ANKRD55: variants seen among roughly 807,000 people sequenced by gnomAD.
ANKRD55 encodes ankyrin repeat domain 55.
A neutral mutation model predicts 60.6 loss-of-function variants in ANKRD55; 41 were observed. The ratio of observed to expected loss-of-function variants is 0.68; its 90% CI spans 0.53 to 0.88. The LOEUF is 0.88. Among genes scored for constraint, ANKRD55 ranks in the 40% least tolerant of loss-of-function variants. The probability of loss-of-function intolerance (pLI) is 0.00; values close to 1 mark genes in which losing one functional copy is unlikely to be tolerated. For synonymous variants in ANKRD55, 264 were observed against 290.3 expected (o/e 0.91, Z 0.92); for missense variants, 732 against 767.6 (o/e 0.95, Z 0.55).
At chr5:56,109,505 T>C (rs1756603899) in intron 10 of ANKRD55, among the ~76,000 whole-genome samples, 1 of 151,988 alleles carries the variant, frequency 6.6e-6, no homozygotes, top group African/African-American at 2.4e-5. Flanking sequence ...CCTCTGCTTT[T>C]GAACAATGGT....
chr5:56,136,984 T>A, intron 7 of ANKRD55: 1 of 612,138 alleles, frequency 1.6e-6, no homozygotes, highest in Non-Finnish European at 3.1e-6. Flanking sequence ...TGAAAATGAT[T>A]CGCTCTTCAC....
At chr5:56,179,386 C>T (rs1042871175) in intron 3 of ANKRD55, among the ~76,000 whole-genome samples, 1 of 152,002 alleles carries the variant, frequency 6.6e-6, no homozygotes, top group African/African-American at 2.4e-5. Flanking sequence ...AGATATACAC[C>T]AGCTTCAGAA....
At chr5:56,228,301 G>A (rs867890933) in intron 2 of ANKRD55, among the ~76,000 whole-genome samples, 9 of 152,096 alleles carry the variant, frequency 5.9e-5, no homozygotes, top group Admixed American at 1.3e-4. Flanking sequence ...ACAGAGGAGC[G>A]ATGCACACAG....
intron 2 of ANKRD55, among the ~76,000 whole-genome samples, chr5:56,196,939 G>T (rs1055985111): frequency 6.6e-6 from 1 of 152,102 alleles, no homozygotes; most frequent in East Asian, 1.9e-4. Context: ...CTCTCTCAGG[G>T]CCCCATCTCA....
chr5:56,125,070 G>A (rs7725798), intron 8 of ANKRD55, among the ~76,000 whole-genome samples: 3,425 of 152,194 alleles, frequency 0.023, 141 homozygotes, highest in African/African-American at 0.079. Flanking sequence ...CTAAGTGGGT[G>A]GTATTGCAAA....
At chr5:56,223,039 G>A (rs1444693744) in intron 2 of ANKRD55, among the ~76,000 whole-genome samples, 1 of 152,130 alleles carries the variant, frequency 6.6e-6, no homozygotes, top group Admixed American at 6.5e-5. Flanking sequence ...CCAACTCCAA[G>A]ACACATAATT....
intron 6 of ANKRD55, among the ~76,000 whole-genome samples, chr5:56,151,844 T>TGTGTGTATATATATGTATATATAC (rs1438546888): frequency 2.0e-5 from 3 of 150,532 alleles, no homozygotes; most frequent in Non-Finnish European, 3.0e-5. Context: ...TATATATGTG[T>TGTGTGTATATATATGTATATATAC]GTGTGTATAT....
At chr5:56,206,130 C>T (rs1425998318) in intron 2 of ANKRD55, among the ~76,000 whole-genome samples, 5 of 151,826 alleles carry the variant, frequency 3.3e-5, no homozygotes, top group Non-Finnish European at 7.4e-5. Flanking sequence ...TGTGCACCAC[C>T]ACGACTGGTT....
At chr5:56,178,018 T>C (rs983320767) in intron 3 of ANKRD55, among the ~76,000 whole-genome samples, 101 of 152,174 alleles carry the variant, frequency 6.6e-4, no homozygotes, top group African/African-American at 2.4e-3. Flanking sequence ...TGATTGAGCA[T>C]AATCACGTGT....
intron 2 of ANKRD55, among the ~76,000 whole-genome samples, chr5:56,199,796 CAGG>C (rs1759320786): frequency 6.6e-6 from 1 of 151,078 alleles, no homozygotes; most frequent in African/African-American, 2.4e-5. Context: ...GAGGCTGAGG[CAGG>C]AGAATGGCAT....
chr5:56,110,891 G>A, intron 10 of ANKRD55: 1 of 566,892 alleles, frequency 1.8e-6, no homozygotes, highest in Non-Finnish European at 3.1e-6. Context: ...AGATGAGAAG[G>A]CACATATTTG....
intron 2 of ANKRD55, among the ~76,000 whole-genome samples, chr5:56,217,035 A>G (rs1050227297): frequency 2.0e-5 from 3 of 152,232 alleles, no homozygotes; most frequent in African/African-American, 7.2e-5. Context: ...TCAATGCTTC[A>G]AAGGACTCTT....
chr5:56,135,739 G>T (rs1385434405), intron 7 of ANKRD55, among the ~76,000 whole-genome samples: 2 of 152,086 alleles, frequency 1.3e-5, no homozygotes, highest in East Asian at 1.9e-4. Context: ...GAAATAAAAA[G>T]AATGCTGATT....
At chr5:56,159,767 C>T in intron 6 of ANKRD55, 66 bp downstream of exon 6, 1 of 1,516,926 alleles carries the variant, frequency 6.6e-7, no homozygotes, top group Non-Finnish European at 9.1e-7. Context: ...CACAATGGTT[C>T]AGAAACGCCC....
intron 10 of ANKRD55, among the ~76,000 whole-genome samples, chr5:56,107,032 T>C (rs961994783): frequency 7.8e-6 from 1 of 128,450 alleles, no homozygotes. Context: ...AAAAAAAAAA[T>C]CCCTCACTCT....
chr5:56,222,951 G>A (rs1435405832), intron 2 of ANKRD55, among the ~76,000 whole-genome samples: 1 of 152,110 alleles, frequency 6.6e-6, no homozygotes. Context: ...CCAGGAGAAC[G>A]TCCCCAACCT....
chr5:56,194,056 T>C (rs1423908981), intron 2 of ANKRD55, among the ~76,000 whole-genome samples: 2 of 152,024 alleles, frequency 1.3e-5, no homozygotes, highest in East Asian at 3.9e-4. Context: ...AGTGGCTCAC[T>C]CCTGTAATCC....
rs182179282 is a variant in ANKRD55, at chr5:56,108,981, G to A, written c.1630+2137C>T. Among the ~76,000 whole-genome samples, 6 of 152,020 alleles carry A rather than the reference G, an allele frequency of 3.9e-5. No individual in the cohort carries two copies. In the East Asian group the frequency reaches 1.2e-3, roughly 29 times the overall value. Reference sequence around the variant, plus strand: ...GAACCCAGGAGGCGGATGTTGCAGTGAGCCGAGATCATGCCACTACACTCC... The same window carrying A: ...GAACCCAGGAGGCGGATGTTGCAGTAAGCCGAGATCATGCCACTACACTCC... On this transcript the variant is annotated intron_variant, in intron 10 of 11. Coordinates refer to ENST00000341048, the MANE Select transcript of ANKRD55 (RefSeq NM_024669.3).
intron 2 of ANKRD55, among the ~76,000 whole-genome samples, chr5:56,198,473 C>T (rs1246968936): frequency 8.6e-5 from 13 of 151,670 alleles, no homozygotes; most frequent in African/African-American, 1.2e-4. Context: ...TTAGTAGAGA[C>T]GGGGTTTCAC....
Sources: gnomAD v4.1 joint callset for allele counts (sites outside exome capture counted in the v4.1 genomes callset) on GRCh38, gnomAD v4.1.1 for gene constraint, MANE v1.5 for transcripts, NCBI Gene and HGNC (gene_info 2026-07-23, HGNC 2026-07-21) for gene names.